Variants in COL23A1 observed in about 807,000 individuals in gnomAD.
COL23A1 encodes collagen alpha-1(XXIII) chain.
Under a neutral mutation model 99.3 loss-of-function variants are expected in COL23A1, and 97 were observed. That is an observed-to-expected ratio of 0.98 (90% CI 0.83 to 1.16). COL23A1 has a LOEUF of 1.16. COL23A1 is among the 50% of genes most tolerant of loss of function. The probability of loss-of-function intolerance (pLI) is 0.00; values close to 1 mark genes in which losing one functional copy is unlikely to be tolerated. For synonymous variants in COL23A1, 320 were observed against 308.2 expected, an observed-to-expected ratio of 1.04 and a Z score of -0.40; for missense variants, 762 against 757.4, an observed-to-expected ratio of 1.01 and a Z score of -0.07.
intron 2 of COL23A1, among the ~76,000 whole-genome samples, chr5:178,320,068 C>A (rs1453535101): frequency 2.0e-5 from 3 of 152,086 alleles, no homozygotes; most frequent in Admixed American, 6.5e-5. Flanking sequence ...TCCCTGACCA[C>A]CAGCCTCAAT....
At chr5:178,553,195 A>T (rs542608840) in intron 2 of COL23A1, among the ~76,000 whole-genome samples, 74 of 150,658 alleles carry the variant, frequency 4.9e-4, no homozygotes, top group African/African-American at 1.7e-3. Context: ...AAAAGTCCCA[A>T]GACAGCGTGT....
intron 2 of COL23A1, among the ~76,000 whole-genome samples, chr5:178,547,565 C>A (rs567104286): frequency 2.6e-3 from 208 of 81,460 alleles, no homozygotes; most frequent in Non-Finnish European, 3.3e-3. Context: ...ATACACACCC[C>A]CACACACACC....
chr5:178,261,702 G>A lies in COL23A1; in HGVS notation c.702+20C>T. 6.3e-7 allele frequency: 1 copy of A among 1,598,980 alleles called. No homozygotes were observed. The highest frequency in any genetic ancestry group is 1.1e-5 in the South Asian group (1 of 90,782). ...TCCCACCAGATCTGGGGAGGGGCAT[G>A]GGGAATAAGGAGTACTCACCTTGGG... On this transcript the variant is annotated intron_variant, in intron 11 of 28. Coordinates refer to ENST00000390654, the MANE Select transcript of COL23A1 (RefSeq NM_173465.4).
intron 3 of COL23A1, among the ~76,000 whole-genome samples, chr5:178,295,416 C>T (rs1430176117): frequency 2.0e-5 from 3 of 151,960 alleles, no homozygotes; most frequent in Admixed American, 6.6e-5. Context: ...AATCTTCATT[C>T]ATAATAAAAG....
chr5:178,255,162 C>A lies in COL23A1; in HGVS notation c.883-136G>T, dbSNP rs1765237070. The A allele has an allele frequency of 2.8e-6, 2 of 711,618 alleles. No homozygotes were observed. The highest frequency in any genetic ancestry group is 4.9e-6 in the Non-Finnish European group (2 of 409,500). The allele number at this position is 711,618 out of a possible 1,614,324, so 44.1% of individuals were successfully genotyped here. ...TCACCCAGGCTGCACGCATGCCCCT[C>A]CCCAGGGTGGATGGAGGGAACGGGA... is the stretch of plus-strand genomic sequence containing the variant. On this transcript the variant is annotated intron_variant, in intron 15 of 28. Transcript: ENST00000390654. The surrounding 1 kb of genome is among the most constrained non-coding windows in gnomAD (Gnocchi z 4.2).
At chr5:178,376,255 C>G (rs530094948) in intron 2 of COL23A1, among the ~76,000 whole-genome samples, 3 of 152,212 alleles carry the variant, frequency 2.0e-5, no homozygotes, top group Non-Finnish European at 4.4e-5. Context: ...CCATCGGATC[C>G]GGGTTTCCGT....
intron 2 of COL23A1, among the ~76,000 whole-genome samples, chr5:178,348,090 C>T (rs936300756): frequency 5.3e-5 from 8 of 151,916 alleles, no homozygotes; most frequent in African/African-American, 1.9e-4. Flanking sequence ...CCTCCATGTG[C>T]CTCCTGATGG....
At chr5:178,420,362 CCT>C (rs1765540685) in intron 2 of COL23A1, among the ~76,000 whole-genome samples, 1 of 144,312 alleles carries the variant, frequency 6.9e-6, no homozygotes, top group East Asian at 2.1e-4. Context: ...CCCTGCCCCT[CCT>C]CTCTTTCCTC....
intron 2 of COL23A1, among the ~76,000 whole-genome samples, chr5:178,375,127 C>T (rs955946144): frequency 5.3e-5 from 8 of 152,144 alleles, no homozygotes; most frequent in Admixed American, 1.3e-4. Context: ...ACAACATGGA[C>T]GAACCTTGAA....
intron 18 of COL23A1, among the ~76,000 whole-genome samples, chr5:178,249,716 A>ACACT: frequency 1.1e-4 from 10 of 92,806 alleles, no homozygotes; most frequent in African/African-American, 2.6e-4. Context: ...ACACACACAC[A>ACACT]CTCTCTCTCT....
intron 2 of COL23A1, among the ~76,000 whole-genome samples, chr5:178,420,964 TG>T (rs554883960): frequency 2.6e-5 from 4 of 151,738 alleles, no homozygotes; most frequent in Non-Finnish European, 4.4e-5. Flanking sequence ...CTCCCTGGCG[TG>T]GGGGGGTCAC....
chr5:178,506,774 T>C (rs1758897314), intron 2 of COL23A1, among the ~76,000 whole-genome samples: 1 of 152,212 alleles, frequency 6.6e-6, no homozygotes, highest in Non-Finnish European at 1.5e-5. Context: ...TATCATAGTT[T>C]CAAAACAATA....
chr5:178,523,257 C>CAGAGAGAGAGAGAG (rs70997610), intron 2 of COL23A1, among the ~76,000 whole-genome samples: 1 of 108,354 alleles, frequency 9.2e-6, no homozygotes, highest in Non-Finnish European at 1.9e-5. Context: ...GAGAGAGAGA[C>CAGAGAGAGAGAGAG]AGAGAGAGAG....
intron 2 of COL23A1, among the ~76,000 whole-genome samples, chr5:178,515,916 G>A (rs1200352664): frequency 2.0e-5 from 3 of 151,954 alleles, no homozygotes; most frequent in Admixed American, 1.3e-4. Flanking sequence ...TCCAGTGCTC[G>A]GGGTCACCCG....
intron 2 of COL23A1, among the ~76,000 whole-genome samples, chr5:178,540,350 G>T (rs1761219985): frequency 6.6e-6 from 1 of 152,036 alleles, no homozygotes; most frequent in African/African-American, 2.4e-5. Flanking sequence ...ATCACCAACA[G>T]AAAGCAAATT....
In COL23A1 at chr5:178,365,373, G is replaced by A. The variant is rs955183314; in HGVS notation, c.362-58454C>T. Among the ~76,000 whole-genome samples the A allele has an allele frequency of 5.3e-5, 8 of 152,076 alleles. No individual in the cohort carries two copies. The highest frequency in any genetic ancestry group is 1.9e-4 in the African/African-American group (8 of 41,424). ...TCTGTCCTCCCTGCATATGGCCTCA[G>A]GCAGCTCAAGGCTTAGCTTCCCACT... On this transcript the variant is annotated intron_variant, in intron 2 of 28. Transcript: ENST00000390654. The surrounding 1 kb of genome is among the most constrained non-coding windows in gnomAD (Gnocchi z 5.2).
chr5:178,364,606 C>T (rs946373828), intron 2 of COL23A1, among the ~76,000 whole-genome samples: 4 of 152,116 alleles, frequency 2.6e-5, no homozygotes, highest in East Asian at 1.9e-4. Context: ...CAGCAGACAC[C>T]GAATTATAGT....
chr5:178,550,378 AC>A (rs1761935843), intron 2 of COL23A1, among the ~76,000 whole-genome samples: 2 of 152,164 alleles, frequency 1.3e-5, no homozygotes. Flanking sequence ...AGGACACTCA[AC>A]AGCACCCCTG....
chr5:178,330,966 G>C (rs6879368), intron 2 of COL23A1, among the ~76,000 whole-genome samples: 15,627 of 152,268 alleles, frequency 0.1, 1,107 homozygotes, highest in Middle Eastern at 0.21. Context: ...GTCACATCCT[G>C]TCCTGGCTCA....
Sources: gnomAD v4.1 joint callset for allele counts (sites outside exome capture counted in the v4.1 genomes callset) on GRCh38, gnomAD v4.1.1 for gene constraint, Gnocchi (gnomAD v3.1) non-coding constraint, MANE v1.5 for transcripts, NCBI Gene and HGNC (gene_info 2026-07-23, HGNC 2026-07-21) for gene names.